The following KHDRBS2 variants were observed in gnomAD, a reference collection of about 807,000 sequenced individuals.
KHDRBS2 encodes the protein KH domain-containing, RNA-binding, signal transduction-associated protein 2.
A neutral mutation model predicts 44.3 loss-of-function variants in KHDRBS2; 26 were observed. That is an observed-to-expected ratio of 0.59 (90% CI 0.43 to 0.81). KHDRBS2 has a LOEUF of 0.81. KHDRBS2 is among the 40% of genes least tolerant of loss of function. KHDRBS2 has a pLI of 0.00. For synonymous variants in KHDRBS2, 194 were observed against 151.1 expected (o/e 1.28, Z -2.08); for missense variants, 476 against 433.1 (o/e 1.10, Z -0.88).
chr6:61,851,516 C>A (rs1432188418), intron 6 of KHDRBS2, among the ~76,000 whole-genome samples: 1 of 151,982 alleles, frequency 6.6e-6, no homozygotes, highest in African/African-American at 2.4e-5. Flanking sequence ...TACTCCATTA[C>A]GACTGGTATC....
chr6:62,023,351 A>G (rs1023919192), intron 3 of KHDRBS2, among the ~76,000 whole-genome samples: 3 of 151,684 alleles, frequency 2.0e-5, no homozygotes, highest in African/African-American at 7.2e-5. Context: ...AGTAGGTTCC[A>G]TGGTCAAATG....
the KHDRBS2 span, among the ~76,000 whole-genome samples, chr6:61,561,897 A>G: frequency 1.1e-4 from 16 of 152,138 alleles, no homozygotes; most frequent in Non-Finnish European, 2.2e-4. Flanking sequence ...CCTACTCTCT[A>G]GCCACTTAGA....
chr6:61,625,151 G>T, the KHDRBS2 span, among the ~76,000 whole-genome samples: 1 of 152,012 alleles, frequency 6.6e-6, no homozygotes, highest in East Asian at 1.9e-4. Flanking sequence ...GACATGTGCA[G>T]CACTCCTAGT....
chr6:61,776,886 C>T (rs1436968588), intron 6 of KHDRBS2, among the ~76,000 whole-genome samples: 1 of 152,108 alleles, frequency 6.6e-6, no homozygotes, highest in Non-Finnish European at 1.5e-5. Flanking sequence ...TTGGATCCAA[C>T]CTAAATGTCC....
intron 1 of KHDRBS2, among the ~76,000 whole-genome samples, chr6:62,267,919 A>C (rs1839462641): frequency 6.6e-6 from 1 of 152,094 alleles, no homozygotes; most frequent in Non-Finnish European, 1.5e-5. Flanking sequence ...TGAAATTGTA[A>C]AAACATAAGA....
intron 1 of KHDRBS2, among the ~76,000 whole-genome samples, chr6:62,188,065 C>T (rs896270071): frequency 1.3e-5 from 2 of 151,938 alleles, no homozygotes; most frequent in Admixed American, 6.6e-5. Context: ...CTTTAAACAA[C>T]CAGCTCTCAG....
At chr6:61,829,570 A>T (rs1320606691) in intron 6 of KHDRBS2, among the ~76,000 whole-genome samples, 1 of 152,204 alleles carries the variant, frequency 6.6e-6, no homozygotes, top group African/African-American at 2.4e-5. Context: ...AAAACCTAGT[A>T]AAAGATAATA....
the KHDRBS2 span, among the ~76,000 whole-genome samples, chr6:61,573,171 A>G: frequency 6.6e-6 from 1 of 152,214 alleles, no homozygotes; most frequent in Non-Finnish European, 1.5e-5. Flanking sequence ...GCTGTACACC[A>G]ACAATGATGA....
At chr6:62,066,106 T>G (rs1793647154) in intron 2 of KHDRBS2, among the ~76,000 whole-genome samples, 1 of 151,378 alleles carries the variant, frequency 6.6e-6, no homozygotes, top group Admixed American at 6.6e-5. Context: ...AAGCTCAAGT[T>G]TTTACTCAAA....
chr6:61,624,247 G>A, the KHDRBS2 span, among the ~76,000 whole-genome samples: 3 of 152,118 alleles, frequency 2.0e-5, no homozygotes, highest in Non-Finnish European at 4.4e-5. Flanking sequence ...TGGCATGATG[G>A]GCAGATGAAC....
At chr6:62,091,952 T>C (rs931144097) in intron 2 of KHDRBS2, among the ~76,000 whole-genome samples, 1 of 152,174 alleles carries the variant, frequency 6.6e-6, no homozygotes, top group Non-Finnish European at 1.5e-5. Context: ...TAAAGAGACT[T>C]CAGTAAATCA....
intron 3 of KHDRBS2, among the ~76,000 whole-genome samples, chr6:62,011,392 TAGA>T (rs2127269593): frequency 6.6e-6 from 1 of 152,286 alleles, no homozygotes; most frequent in African/African-American, 2.4e-5. Context: ...AACAATGATG[TAGA>T]AATGTGAAAA....
intron 3 of KHDRBS2, among the ~76,000 whole-genome samples, chr6:62,043,096 C>G (rs1786903605): frequency 6.6e-6 from 1 of 152,070 alleles, no homozygotes; most frequent in African/African-American, 2.4e-5. Flanking sequence ...TGGGTGTGTT[C>G]AGCTATTGTC....
chr6:61,549,069 C>T, the KHDRBS2 span, among the ~76,000 whole-genome samples: 6 of 152,048 alleles, frequency 3.9e-5, no homozygotes, highest in Non-Finnish European at 8.8e-5. Context: ...GAAATGTAAA[C>T]ATAACGTGAA....
In KHDRBS2 at chr6:61,810,002, C is replaced by T. The variant is rs1277297650; in HGVS notation, c.811-77238G>A. On this transcript the variant is annotated intron_variant, in intron 6 of 8. Transcript: ENST00000281156. ...TACTACAGGAGCAAGGATTGAGAAA[C>T]TGGAGGTCCCACAGGGTCTTAAATA... Among the ~76,000 whole-genome samples the T allele has an allele frequency of 2.0e-5, 3 of 152,018 alleles. No individual in the cohort carries two copies. The East Asian group carries it at 5.8e-4, about 29-fold the overall frequency.
chr6:61,942,671 C>G (rs1812361353), intron 4 of KHDRBS2, among the ~76,000 whole-genome samples: 1 of 152,078 alleles, frequency 6.6e-6, no homozygotes, highest in African/African-American at 2.4e-5. Context: ...CAAAATAATA[C>G]ATGAAGCATT....
chr6:61,825,340 T>C (rs548602335), intron 6 of KHDRBS2, among the ~76,000 whole-genome samples: 1 of 152,302 alleles, frequency 6.6e-6, no homozygotes, highest in African/African-American at 2.4e-5. Context: ...GTCCTTGGGA[T>C]TGATGGTGTA....
At chr6:61,848,489 A>ATATG (rs1204341059) in intron 6 of KHDRBS2, among the ~76,000 whole-genome samples, 9 of 44,630 alleles carry the variant, frequency 2.0e-4, no homozygotes, top group African/African-American at 1.1e-3. Flanking sequence ...ATATATATAT[A>ATATG]TGTATATATA....
chr6:61,668,174 ACT>A, the KHDRBS2 span, among the ~76,000 whole-genome samples: 3 of 151,084 alleles, frequency 2.0e-5, no homozygotes, highest in Non-Finnish European at 3.0e-5. Context: ...GTTCAAAAAC[ACT>A]GTCTCTCAAA....
Sources: gnomAD v4.1 joint callset for allele counts (sites outside exome capture counted in the v4.1 genomes callset) on GRCh38, gnomAD v4.1.1 for gene constraint, MANE v1.5 for transcripts, NCBI Gene and HGNC (gene_info 2026-07-23, HGNC 2026-07-21) for gene names.